Variants in BRD4 observed in about 807,000 individuals in gnomAD.
BRD4 encodes the protein bromodomain containing 4.
Under a neutral mutation model 142.1 loss-of-function variants are expected in BRD4, and 16 were observed. The ratio of observed to expected loss-of-function variants is 0.11; its 90% CI spans 0.08 to 0.17. BRD4 has a LOEUF of 0.17. BRD4 is among the 10% of genes least tolerant of loss of function. BRD4 has a pLI of 1.00. For synonymous variants in BRD4, 833 were observed against 707.5 expected, an observed-to-expected ratio of 1.18 and a Z score of -2.82; for missense variants, 1,424 against 1,810.9, an observed-to-expected ratio of 0.79 and a Z score of 3.88.
In BRD4 at chr19:15,250,087, C is replaced by T. The variant is rs575524208; in HGVS notation, c.2158+4065G>A. On this transcript the variant is annotated intron_variant, in intron 11 of 19. Coordinates refer to ENST00000679869, the MANE Select transcript of BRD4 (RefSeq NM_001379291.1). Reference sequence around the variant, plus strand: ...CCTCTGCTGGAGTCACGGATGCAACCGACGTGCTACTCCCTGGCCCCTGAG... The same window carrying T: ...CCTCTGCTGGAGTCACGGATGCAACTGACGTGCTACTCCCTGGCCCCTGAG... Among the ~76,000 whole-genome samples, 5 of 152,200 alleles carry T rather than the reference C, an allele frequency of 3.3e-5. No individual in the cohort carries two copies. In the East Asian group the frequency reaches 7.8e-4, roughly 24 times the overall value.
intron 11 of BRD4, among the ~76,000 whole-genome samples, chr19:15,250,570 C>A (rs1245059516): frequency 6.6e-6 from 1 of 152,204 alleles, no homozygotes; most frequent in African/African-American, 2.4e-5. Context: ...ACTAAAATAG[C>A]TGGACTGCGC....
intron 11 of BRD4, chr19:15,247,583 G>A (rs985068547): frequency 2.6e-4 from 60 of 232,678 alleles, no homozygotes; most frequent in African/African-American, 1.3e-3. Flanking sequence ...TGCGTGTGTC[G>A]GGGGCAGCAT....
intron 1 of BRD4, among the ~76,000 whole-genome samples, chr19:15,293,097 A>G (rs545895329): frequency 1.3e-5 from 2 of 152,276 alleles, no homozygotes; most frequent in South Asian, 2.1e-4. Context: ...GCACCACTCA[A>G]AACAGTGACA....
chr19:15,244,969 T>C, intron 11 of BRD4: 1 of 895,438 alleles, frequency 1.1e-6, no homozygotes, highest in Non-Finnish European at 1.6e-6. Flanking sequence ...GCCTGCTGCT[T>C]TTCCTAGCAG....
chr19:15,254,191 T>C lies in BRD4; in HGVS notation c.2119A>G (p.Ser707Gly). The change falls in exon 11 of 20, where the codon AGT becomes GGT. Residue 707 changes from serine (S) to glycine (G), a missense_variant. By Grantham distance (56) the Ser-to-Gly change is moderately conservative (BLOSUM62 0). This residue lies in a region of BRD4 where 598 missense variants were observed against 647.8 expected (regional missense o/e 0.92). Coordinates refer to ENST00000679869, the MANE Select transcript of BRD4 (RefSeq NM_001379291.1). ...TCGCTGTCAGAGGAGCTGGACTCACTGGAGCTCTCCGACTCTGAGGACGAG... is the reference window on the plus strand; with the variant it reads ...TCGCTGTCAGAGGAGCTGGACTCACCGGAGCTCTCCGACTCTGAGGACGAG... ...GFSSSESESS[S>G]ESSSSDSEDS... 6.2e-7 allele frequency: 1 copy of C among 1,614,216 alleles called. No homozygotes were observed. Among genetic ancestry groups the C allele is most frequent in the East Asian group, 2.2e-5 (1 of 44,882 alleles).
intron 1 of BRD4, among the ~76,000 whole-genome samples, chr19:15,325,874 T>C (rs2048103078): frequency 6.6e-6 from 1 of 151,340 alleles, no homozygotes; most frequent in African/African-American, 2.4e-5. Flanking sequence ...GGTGCATGCC[T>C]GTAATCCTAG....
chr19:15,262,821 A>C (rs1164367493), intron 7 of BRD4, among the ~76,000 whole-genome samples: 2 of 152,186 alleles, frequency 1.3e-5, no homozygotes, highest in Admixed American at 1.3e-4. Flanking sequence ...TATTCAAAGA[A>C]AGTCATTTTT....
intron 14 of BRD4, 21 bp from the exon 15 acceptor site, chr19:15,240,043 T>C (rs777398745): frequency 1.3e-6 from 2 of 1,598,214 alleles, no homozygotes; most frequent in South Asian, 2.3e-5. Context: ...GGACAAGGAA[T>C]GTGTCAAGGG....
At position 15,235,687 on chromosome 19, in the gene BRD4, T is replaced by C. The variant is rs771940560; in HGVS notation, c.*2690A>G. 1.3e-5 allele frequency: 2 copies of C among 152,188 alleles called. No homozygotes were observed. Among genetic ancestry groups the C allele is most frequent in the Non-Finnish European group, 2.9e-5 (2 of 68,036 alleles). The allele number at this position is 152,188 out of a possible 1,614,324, so 9.4% of individuals were successfully genotyped here. A position where few individuals can be genotyped will look rare whatever the true frequency, so the allele number is the denominator to read the frequency against. ...ACATAATTATTGGCCAAGCGATCCG[T>C]GCATACAGTACAGTGGGGGCTTGTA... On this transcript the variant is annotated 3_prime_UTR_variant, in exon 20 of 20. Transcript: ENST00000679869.
At chr19:15,244,627 A>G (rs544071132) in intron 12 of BRD4, 27 bp from the exon 13 acceptor site, 4 of 1,613,764 alleles carry the variant, frequency 2.5e-6, no homozygotes, top group South Asian at 1.1e-5. Flanking sequence ...AGACAGACAG[A>G]CAGGCTGATG....
intron 1 of BRD4, among the ~76,000 whole-genome samples, chr19:15,328,976 T>C (rs2048133569): frequency 6.6e-6 from 1 of 152,198 alleles, no homozygotes; most frequent in Non-Finnish European, 1.5e-5. Flanking sequence ...TTTCTCCATG[T>C]TTGTCAGGCT....
chr19:15,315,718 T>C (rs1193324033), intron 1 of BRD4, among the ~76,000 whole-genome samples: 2 of 151,838 alleles, frequency 1.3e-5, no homozygotes, highest in Non-Finnish European at 2.9e-5. Context: ...CAGCCGGGCG[T>C]GGTGGCCGGC....
intron 11 of BRD4, among the ~76,000 whole-genome samples, chr19:15,251,970 C>A (rs987138738): frequency 6.6e-6 from 1 of 152,226 alleles, no homozygotes; most frequent in African/African-American, 2.4e-5. Context: ...TGGGAGCCAG[C>A]GGCTCTGAGA....
At chr19:15,309,338 C>CAAAAAA (rs59956347) in intron 1 of BRD4, among the ~76,000 whole-genome samples, 12 of 72,928 alleles carry the variant, frequency 1.6e-4, no homozygotes, top group Non-Finnish European at 1.9e-4. Context: ...ACTCCACCTC[C>CAAAAAA]AAAAAAAAAA....
chr19:15,280,145 T>A (rs761188486), intron 1 of BRD4: 85 of 645,772 alleles, frequency 1.3e-4, no homozygotes, highest in Non-Finnish European at 1.5e-4. Flanking sequence ...TGCGACTTTA[T>A]CATCTTCATC....
At chr19:15,258,619 T>A (rs1379406134) in intron 7 of BRD4, among the ~76,000 whole-genome samples, 3 of 152,136 alleles carry the variant, frequency 2.0e-5, no homozygotes, top group South Asian at 4.2e-4. Context: ...TTCTTCTTCT[T>A]TTTGGAGATA....
At chr19:15,316,860 T>C (rs1227445034) in intron 1 of BRD4, among the ~76,000 whole-genome samples, 1 of 152,158 alleles carries the variant, frequency 6.6e-6, no homozygotes, top group East Asian at 1.9e-4. Flanking sequence ...TTCAGACCTG[T>C]CCAGGTCTCT....
Position 15,239,810 on chromosome 19 carries a change from A to G in BRD4, c.3294T>C (p.Ala1098=). The G allele has an allele frequency of 6.2e-7, 1 of 1,613,624 alleles. No individual in the cohort carries two copies. The highest frequency in any genetic ancestry group is 8.5e-7 in the Non-Finnish European group (1 of 1,179,928). The change falls in exon 16 of 20, where the codon GCT becomes GCC. Residue 1098 remains alanine, a synonymous_variant. Transcript: ENST00000679869. The surrounding 1 kb of genome is among the most constrained non-coding windows in gnomAD (Gnocchi z 7.4). ...GGGGCTGGGGCTGGACCACGGAGGC[A>G]GCACGCAGCTCCTGGGATGGCACAG... ...NVQPKKQELR[A]ASVVQPQPLV...
intron 1 of BRD4, among the ~76,000 whole-genome samples, chr19:15,325,126 G>A (rs1247436477): frequency 1.3e-5 from 2 of 152,168 alleles, no homozygotes; most frequent in Non-Finnish European, 2.9e-5. Context: ...AGAGGGCACA[G>A]CACTGCTGCC....
Sources: gnomAD v4.1 joint callset for allele counts (sites outside exome capture counted in the v4.1 genomes callset) on GRCh38, gnomAD v4.1.1 for gene constraint, gnomAD v4.1.1 regional missense constraint, Gnocchi (gnomAD v3.1) non-coding constraint, MANE v1.5 for transcripts, NCBI Gene and HGNC (gene_info 2026-07-23, HGNC 2026-07-21) for gene names.